The following RHOT1 variants were observed in gnomAD, a reference collection of about 807,000 sequenced individuals.
RHOT1 encodes the protein ras homolog family member T1.
In RHOT1, 27 loss-of-function variants were observed where a neutral mutation model predicts 95.3. The observed-to-expected ratio is 0.28, with a 90% CI of 0.21 to 0.39. The LOEUF (loss-of-function observed/expected upper bound fraction) is 0.39, where lower values mean the gene tolerates loss of function less well. RHOT1 is among the 10% of genes least tolerant of loss of function. The pLI is 1.00. For missense variants in RHOT1, 578 were observed against 786.7 expected (o/e 0.73, Z 3.17); for synonymous variants, 227 against 263.5 (o/e 0.86, Z 1.34).
intron 8 of RHOT1, among the ~76,000 whole-genome samples, chr17:32,184,654 C>G (rs1202427030): frequency 6.6e-6 from 1 of 151,856 alleles, no homozygotes; most frequent in Non-Finnish European, 1.5e-5. Flanking sequence ...CCGTGCCCAG[C>G]TGATTTTTTT....
intron 1 of RHOT1, among the ~76,000 whole-genome samples, chr17:32,144,278 T>C (rs1457826939): frequency 6.6e-6 from 1 of 152,156 alleles, no homozygotes; most frequent in Non-Finnish European, 1.5e-5. Context: ...ACAGGCACTG[T>C]GGCTCATGCC....
chr17:32,179,940 C>G (rs1198701763), intron 6 of RHOT1: 1 of 135,134 alleles, frequency 7.4e-6, no homozygotes, highest in African/African-American at 3.1e-5. Flanking sequence ...AGCTGACACC[C>G]CATCTGGGAT....
At chr17:32,192,146 A>G in intron 8 of RHOT1, 55 bp from the exon 9 acceptor site, 1 of 864,426 alleles carries the variant, frequency 1.2e-6, no homozygotes, top group Admixed American at 2.4e-5. Flanking sequence ...TATTCTCAGC[A>G]TTGCTTATGA....
Position 32,208,310 on chromosome 17 carries a change from G to C in RHOT1, c.1739+1G>C. On this transcript the variant is annotated splice_donor_variant, in intron 18 of 19. Transcript: ENST00000545287. LOFTEE classifies it high-confidence loss of function. ...AATTGACAACAATGGCCATGTATCC[G>C]TAAGTACTTGCTGTCTTCATTTTCA... 6.2e-7 allele frequency: 1 copy of C among 1,612,322 alleles called. No homozygotes were observed. The highest frequency in any genetic ancestry group is 8.5e-7 in the Non-Finnish European group (1 of 1,178,406).
At chr17:32,222,429 T>C (rs1176968237) in intron 19 of RHOT1, among the ~76,000 whole-genome samples, 1 of 152,208 alleles carries the variant, frequency 6.6e-6, no homozygotes, top group African/African-American at 2.4e-5. Flanking sequence ...GTACTGCTTA[T>C]GGTATTGGTT....
At chr17:32,194,855 G>T (rs1366124177) in intron 11 of RHOT1, among the ~76,000 whole-genome samples, 2 of 140,976 alleles carry the variant, frequency 1.4e-5, no homozygotes, top group Non-Finnish European at 3.0e-5. Context: ...TTCAGACGGA[G>T]TCTCGCTCTG....
At position 32,206,965 on chromosome 17, in the gene RHOT1, T is replaced by C. The variant is rs138851743; in HGVS notation, c.1472T>C (p.Val491Ala). The C allele has an allele frequency of 5.6e-4, 908 of 1,611,006 alleles. 7 individuals are homozygous for C. The highest frequency in any genetic ancestry group is 4.7e-3 in the South Asian group (429 of 90,782). Residue 491 changes from valine to alanine, a missense_variant, in exon 17 of 20, where the codon GTT becomes GCT. By Grantham distance (64) the Val-to-Ala change is moderately conservative. Around this residue, in one of 4 missense-constraint regions of RHOT1, gnomAD observed 296 missense variants for 338.5 expected, o/e 0.87. Transcript: ENST00000545287. ...FLTEAEIICD[V>A]VCLVYDVSNP... ...ACTGAAGCTGAAATCATTTGTGATGTTGTATGCCTGGTATATGATGTCAGC... is the reference window on the plus strand; with the variant it reads ...ACTGAAGCTGAAATCATTTGTGATGCTGTATGCCTGGTATATGATGTCAGC...
intron 8 of RHOT1, among the ~76,000 whole-genome samples, chr17:32,189,883 C>A (rs1320752823): frequency 5.3e-5 from 8 of 151,960 alleles, no homozygotes; most frequent in Middle Eastern, 3.4e-3. Flanking sequence ...CAGGGATGCA[C>A]CACCATGCCT....
chr17:32,184,713 G>T (rs2035900458), intron 8 of RHOT1, among the ~76,000 whole-genome samples: 1 of 151,990 alleles, frequency 6.6e-6, no homozygotes, highest in Non-Finnish European at 1.5e-5. Flanking sequence ...GCCCAGGCTG[G>T]TCTCAAACTC....
In RHOT1 at chr17:32,197,679, C is replaced by T. The variant is rs574704297; in HGVS notation, c.870-1268C>T. On this transcript the variant is annotated intron_variant, in intron 11 of 19. Transcript: ENST00000545287. ...TCTTGACCTCGTGATCTGCCCGCCT[C>T]GGCCTCCCAAAGTACTGGGATTACA... Among the ~76,000 whole-genome samples the T allele has an allele frequency of 7.9e-5, 12 of 152,270 alleles. No individual in the cohort carries two copies. The East Asian group carries it at 2.1e-3, about 27-fold the overall frequency.
intron 19 of RHOT1, among the ~76,000 whole-genome samples, chr17:32,216,592 T>G (rs1206175843): frequency 1.3e-5 from 2 of 152,124 alleles, no homozygotes; most frequent in Non-Finnish European, 2.9e-5. Context: ...ATTTTTAGAT[T>G]AAATATATGT....
Position 32,192,212 on chromosome 17 carries a change from T to C in RHOT1, c.552T>C (p.Ala184=). 4 of 1,491,856 alleles carry C rather than the reference T, an allele frequency of 2.7e-6. No individual in the cohort carries two copies. The highest frequency in any genetic ancestry group is 3.7e-6 in the Non-Finnish European group (4 of 1,091,054). The allele number at this position is 1,491,856 out of a possible 1,614,324, so 92.4% of individuals were successfully genotyped here. A position where few individuals can be genotyped will look rare whatever the true frequency, so the allele number is the denominator to read the frequency against. Residue 184 remains alanine (A), a synonymous_variant, in exon 9 of 20, where the codon GCT becomes GCC. Coordinates refer to ENST00000545287, the MANE Select transcript of RHOT1 (RefSeq NM_001033566.3). The stretch of plus-strand genomic sequence containing the variant: ...TCAATGATTTATAGATGAAACCAGC[T>C]TGTATAAAAGCCCTTACTCGTATAT... ...YCPEEKEMKP[A]CIKALTRIFK...
chr17:32,198,885 T>C lies in RHOT1; in HGVS notation c.870-62T>C. ...ACAAAAGACTTGTTGCAATTTTATA[T>C]TAATTTCTTAAATTTTAACATTTGA... On this transcript the variant is annotated intron_variant, in intron 11 of 19. Coordinates refer to ENST00000545287, the MANE Select transcript of RHOT1 (RefSeq NM_001033566.3). 3 of 1,102,934 alleles carry C rather than the reference T, an allele frequency of 2.7e-6. No individual in the cohort carries two copies. The South Asian group carries it at 4.0e-5, about 15-fold the overall frequency. 68.3% of individuals were successfully genotyped at this position (1,102,934 alleles called of 1,614,324 possible).
In RHOT1 at chr17:32,171,179, T is replaced by C. The variant is rs2034540772; in HGVS notation, c.96+78T>C. The C allele has an allele frequency of 4.9e-6, 5 of 1,018,324 alleles. No homozygotes were observed. In the Admixed American group the frequency reaches 1.2e-4, roughly 23 times the overall value. The allele number at this position is 1,018,324 out of a possible 1,614,324, so 63.1% of individuals were successfully genotyped here. A position where few individuals can be genotyped will look rare whatever the true frequency, so the allele number is the denominator to read the frequency against. On this transcript the variant is annotated intron_variant, in intron 2 of 19. Coordinates refer to ENST00000545287, the MANE Select transcript of RHOT1 (RefSeq NM_001033566.3). The stretch of plus-strand genomic sequence containing the variant: ...TTAAAATGAACTGAATTCTGTCTCT[T>C]TTGGCATGTGTTATGTGCTTCCTTT...
intron 1 of RHOT1, among the ~76,000 whole-genome samples, chr17:32,154,606 A>G (rs2142396812): frequency 6.7e-6 from 1 of 149,542 alleles, no homozygotes; most frequent in East Asian, 2.0e-4. Context: ...AAAAAAAAAA[A>G]AATTGACCGG....
At chr17:32,210,024 G>A (rs2038018529) in intron 18 of RHOT1, among the ~76,000 whole-genome samples, 1 of 151,790 alleles carries the variant, frequency 6.6e-6, no homozygotes, top group South Asian at 2.1e-4. Context: ...TTCATATTGG[G>A]AATTAGGCAT....
Position 32,210,311 on chromosome 17 carries a change from T to C in RHOT1, c.1740-805T>C, listed in dbSNP as rs531244096. Among the ~76,000 whole-genome samples the C allele has an allele frequency of 4.4e-4, 67 of 152,274 alleles. 1 individual carries two copies. Among genetic ancestry groups the C allele is most frequent in the Admixed American group, 2.8e-3 (43 of 15,284 alleles). ...ATTGGAGACCCCCTACTTTGGTAGT[T>C]AGAGCCGAGGTGAAATGGGTTGCCC... On this transcript the variant is annotated intron_variant, in intron 18 of 19. Transcript: ENST00000545287.
At chr17:32,173,126 A>G (rs1237317216) in intron 2 of RHOT1, 2 of 152,208 alleles carry the variant, frequency 1.3e-5, no homozygotes, top group Non-Finnish European at 2.9e-5. Context: ...CGCATTTAAA[A>G]TGTTTTTATC....
chr17:32,149,607 A>ATGTG (rs1567648997), intron 1 of RHOT1, among the ~76,000 whole-genome samples: 26 of 77,692 alleles, frequency 3.3e-4, no homozygotes, highest in African/African-American at 2.1e-3. Flanking sequence ...ATATATATAT[A>ATGTG]TATATATATA....
Sources: gnomAD v4.1 joint callset for allele counts (sites outside exome capture counted in the v4.1 genomes callset) on GRCh38, gnomAD v4.1.1 for gene constraint, gnomAD v4.1.1 regional missense constraint, MANE v1.5 for transcripts, NCBI Gene and HGNC (gene_info 2026-07-23, HGNC 2026-07-21) for gene names.